PLCB1: variants seen among roughly 807,000 people sequenced by gnomAD.
PLCB1 encodes the protein 1-phosphatidylinositol 4,5-bisphosphate phosphodiesterase beta-1.
A neutral mutation model predicts 161.8 loss-of-function variants in PLCB1; 46 were observed. The ratio of observed to expected loss-of-function variants is 0.28; its 90% CI spans 0.22 to 0.36. The LOEUF is 0.36. Ranked by LOEUF, PLCB1 falls within the 10% of genes least tolerant of loss-of-function variation. PLCB1 has a pLI of 1.00. For missense variants in PLCB1, 1,016 were observed against 1,472.5 expected, an observed-to-expected ratio of 0.69 and a Z score of 5.07; for synonymous variants, 517 against 503.7, an observed-to-expected ratio of 1.03 and a Z score of -0.35.
chr20:8,614,584 CTGTGTGTG>C (rs71331317), intron 3 of PLCB1, among the ~76,000 whole-genome samples: 5,314 of 147,194 alleles, frequency 0.036, 213 homozygotes, highest in African/African-American at 0.11. Context: ...ATGTAAAATT[CTGTGTGTG>C]TGTGTGTGTG....
At chr20:8,261,818 A>G (rs1271391202) in intron 2 of PLCB1, among the ~76,000 whole-genome samples, 2 of 152,188 alleles carry the variant, frequency 1.3e-5, no homozygotes, top group Non-Finnish European at 2.9e-5. Flanking sequence ...AACCAAGAGG[A>G]TAAGCATTGT....
At chr20:8,366,054 C>A (rs534175124) in intron 2 of PLCB1, among the ~76,000 whole-genome samples, 1 of 152,256 alleles carries the variant, frequency 6.6e-6, no homozygotes, top group African/African-American at 2.4e-5. Flanking sequence ...ACAACCAAGA[C>A]AATTCAGTCT....
intron 14 of PLCB1, among the ~76,000 whole-genome samples, chr20:8,718,286 G>T (rs1979445392): frequency 6.6e-6 from 1 of 152,192 alleles, no homozygotes; most frequent in African/African-American, 2.4e-5. Flanking sequence ...TTTCTGCACA[G>T]TTTTGAACTA....
intron 27 of PLCB1, among the ~76,000 whole-genome samples, chr20:8,775,504 G>A (rs1982899515): frequency 6.6e-6 from 1 of 152,166 alleles, no homozygotes; most frequent in Non-Finnish European, 1.5e-5. Flanking sequence ...TCTTTGCTGA[G>A]GGTCTGTGCA....
intron 3 of PLCB1, among the ~76,000 whole-genome samples, chr20:8,536,849 A>G (rs1380850751): frequency 6.6e-6 from 1 of 152,210 alleles, no homozygotes; most frequent in Non-Finnish European, 1.5e-5. Flanking sequence ...GGGGAATATC[A>G]TACAGTGCGG....
chr20:8,321,890 A>G (rs950377977), intron 2 of PLCB1, among the ~76,000 whole-genome samples: 7 of 152,118 alleles, frequency 4.6e-5, no homozygotes, highest in African/African-American at 1.7e-4. Flanking sequence ...TGTTATAAGT[A>G]CCTGTGGCTT....
At chr20:8,327,543 C>T (rs961917) in intron 2 of PLCB1, among the ~76,000 whole-genome samples, 2 of 151,948 alleles carry the variant, frequency 1.3e-5, no homozygotes, top group Non-Finnish European at 2.9e-5. Context: ...CTTGCCAAAA[C>T]GAAGAAAGGA....
intron 3 of PLCB1, among the ~76,000 whole-genome samples, chr20:8,496,484 G>A (rs940040426): frequency 6.6e-6 from 1 of 152,116 alleles, no homozygotes; most frequent in African/African-American, 2.4e-5. Flanking sequence ...AGAGAGAGAG[G>A]GAGATGCAGG....
intron 3 of PLCB1, among the ~76,000 whole-genome samples, chr20:8,592,051 G>T (rs1368020364): frequency 6.6e-6 from 1 of 152,078 alleles, no homozygotes; most frequent in Non-Finnish European, 1.5e-5. Flanking sequence ...GTAGCCTGAA[G>T]GTAATTTTAT....
intron 2 of PLCB1, among the ~76,000 whole-genome samples, chr20:8,313,211 T>A (rs1463564688): frequency 6.6e-6 from 1 of 152,174 alleles, no homozygotes; most frequent in East Asian, 1.9e-4. Flanking sequence ...CTATCTCAAA[T>A]TAAAATAATT....
chr20:8,517,863 G>A (rs1984198330), intron 3 of PLCB1, among the ~76,000 whole-genome samples: 1 of 152,142 alleles, frequency 6.6e-6, no homozygotes, highest in Admixed American at 6.5e-5. Flanking sequence ...ATCAGTCAGA[G>A]CCACATAAAC....
chr20:8,438,729 C>G (rs1267671801), intron 3 of PLCB1, among the ~76,000 whole-genome samples: 1 of 152,170 alleles, frequency 6.6e-6, no homozygotes, highest in African/African-American at 2.4e-5. Flanking sequence ...TTATGGACAG[C>G]AACCATTGGG....
In PLCB1 at chr20:8,788,558, G is replaced by A. The variant is rs750241963; in HGVS notation, c.3188+33G>A. ...CTCATTCCCATTACAATTGACATGT[G>A]CATCTGAATTTATTCAACACAAATT... On this transcript the variant is annotated intron_variant, in intron 28 of 31. Coordinates refer to ENST00000338037, the MANE Select transcript of PLCB1 (RefSeq NM_015192.4). The A allele has an allele frequency of 3.7e-6, 6 of 1,602,128 alleles. No individual in the cohort carries two copies. In the East Asian group the frequency reaches 8.9e-5, roughly 24 times the overall value.
intron 3 of PLCB1, among the ~76,000 whole-genome samples, chr20:8,405,085 C>T (rs1328439828): frequency 6.6e-6 from 1 of 152,128 alleles, no homozygotes; most frequent in East Asian, 1.9e-4. Context: ...AACAAACCTT[C>T]CCAAAACCCA....
At chr20:8,497,903 G>T (rs1003499552) in intron 3 of PLCB1, among the ~76,000 whole-genome samples, 3 of 152,048 alleles carry the variant, frequency 2.0e-5, no homozygotes, top group Non-Finnish European at 4.4e-5. Flanking sequence ...TAACCACTAT[G>T]TTCATTTTCT....
chr20:8,707,168 C>T (rs1441991584), intron 11 of PLCB1, among the ~76,000 whole-genome samples: 2 of 152,132 alleles, frequency 1.3e-5, no homozygotes, highest in East Asian at 1.9e-4. Context: ...TGATTCTTCT[C>T]GCTCCATGCA....
intron 31 of PLCB1, among the ~76,000 whole-genome samples, chr20:8,821,435 G>A (rs1196576166): frequency 1.5e-5 from 2 of 137,092 alleles, no homozygotes; most frequent in Non-Finnish European, 3.1e-5. Context: ...CTGAGATCAC[G>A]CCTCTGCACT....
chr20:8,396,708 C>T (rs888653418), intron 3 of PLCB1, among the ~76,000 whole-genome samples: 2 of 151,976 alleles, frequency 1.3e-5, no homozygotes, highest in Admixed American at 6.6e-5. Context: ...TTTAGTAATT[C>T]CAGATATACA....
intron 9 of PLCB1, among the ~76,000 whole-genome samples, chr20:8,681,094 A>ATATATAT (rs1990203155): frequency 1.3e-5 from 1 of 75,724 alleles, no homozygotes; most frequent in Admixed American, 1.4e-4. Context: ...GTGTATATAT[A>ATATATAT]TATATATATA....
Sources: allele counts gnomAD v4.1 joint callset (sites outside exome capture counted in the v4.1 genomes callset), GRCh38; gene constraint gnomAD v4.1.1; transcripts MANE v1.5; gene names NCBI Gene and HGNC (gene_info 2026-07-23, HGNC 2026-07-21).